The following ARB2A variants were observed in gnomAD, a reference collection of about 807,000 sequenced individuals.
ARB2A encodes cotranscriptional regulator ARB2A.
At chr5:93,834,954 A>T in the ARB2A span, among the ~76,000 whole-genome samples, 7 of 152,230 alleles carry the variant, frequency 4.6e-5, no homozygotes, top group African/African-American at 1.7e-4. Flanking sequence ...TGAATTCCAC[A>T]TTAGAGTGCA....
the ARB2A span, among the ~76,000 whole-genome samples, chr5:93,985,049 TTC>T: frequency 6.6e-6 from 1 of 152,190 alleles, no homozygotes; most frequent in African/African-American, 2.4e-5. Context: ...CTTTTAATGT[TTC>T]TCTGAGCCAA....
At chr5:93,797,889 T>C in the ARB2A span, among the ~76,000 whole-genome samples, 13 of 152,134 alleles carry the variant, frequency 8.5e-5, no homozygotes. Context: ...ATAGCTTCTA[T>C]ATTGTTCTTT....
the ARB2A span, among the ~76,000 whole-genome samples, chr5:93,627,438 G>GTTTTT: frequency 9.4e-3 from 1,017 of 107,860 alleles, 57 homozygotes; most frequent in African/African-American, 0.039. Context: ...TACAAAATGT[G>GTTTTT]TTTTGTTTTT....
At chr5:94,068,149 C>T in the ARB2A span, among the ~76,000 whole-genome samples, 6 of 152,152 alleles carry the variant, frequency 3.9e-5, no homozygotes, top group African/African-American at 1.2e-4. Flanking sequence ...GGGTTCCTGG[C>T]CTCACGGATT....
the ARB2A span, among the ~76,000 whole-genome samples, chr5:93,820,921 TTTC>T: frequency 2.0e-5 from 3 of 152,118 alleles, no homozygotes; most frequent in Admixed American, 6.6e-5. Flanking sequence ...TAATATCATG[TTTC>T]TTCTTATTAT....
the ARB2A span, among the ~76,000 whole-genome samples, chr5:93,966,305 A>T: frequency 6.6e-6 from 1 of 152,102 alleles, no homozygotes; most frequent in East Asian, 1.9e-4. Context: ...CACCATGCCA[A>T]ATACTTGAGA....
the ARB2A span, chr5:93,741,343 C>T: frequency 5.0e-6 from 8 of 1,611,452 alleles, no homozygotes; most frequent in African/African-American, 5.3e-5. Context: ...TGCTATCCAG[C>T]CCCGGAATTC....
the ARB2A span, among the ~76,000 whole-genome samples, chr5:93,676,392 A>C: frequency 6.6e-6 from 1 of 152,202 alleles, no homozygotes; most frequent in Non-Finnish European, 1.5e-5. Context: ...TATATTAGGG[A>C]TTTTAAAGCA....
chr5:93,704,595 A>C, the ARB2A span, among the ~76,000 whole-genome samples: 1 of 151,760 alleles, frequency 6.6e-6, no homozygotes, highest in Non-Finnish European at 1.5e-5. Flanking sequence ...CAAACAGAAA[A>C]CCCCAAACAA....
At chr5:93,846,215 G>C in the ARB2A span, among the ~76,000 whole-genome samples, 1 of 152,038 alleles carries the variant, frequency 6.6e-6, no homozygotes, top group Non-Finnish European at 1.5e-5. Flanking sequence ...TATCTAAAGG[G>C]AGGCTGGGCC....
the ARB2A span, among the ~76,000 whole-genome samples, chr5:93,696,112 C>A: frequency 6.6e-6 from 1 of 152,044 alleles, no homozygotes; most frequent in South Asian, 2.1e-4. Context: ...TGCAGCAAAC[C>A]ACCGTGGCAC....
chr5:93,792,479 G>T, the ARB2A span, among the ~76,000 whole-genome samples: 1 of 151,978 alleles, frequency 6.6e-6, no homozygotes, highest in East Asian at 1.9e-4. Context: ...TGACCTCTGG[G>T]TAGAACTCAT....
chr5:94,028,909 A>G, the ARB2A span, among the ~76,000 whole-genome samples: 1 of 151,870 alleles, frequency 6.6e-6, no homozygotes, highest in Non-Finnish European at 1.5e-5. Context: ...TTCTTTCCCA[A>G]TTGCCCCTAA....
the ARB2A span, among the ~76,000 whole-genome samples, chr5:93,827,318 G>T: frequency 6.6e-5 from 10 of 152,268 alleles, no homozygotes; most frequent in Admixed American, 5.9e-4. Context: ...TCTCATTGAG[G>T]TTTTGATCTG....
the ARB2A span, among the ~76,000 whole-genome samples, chr5:93,926,386 G>T: frequency 3.9e-5 from 6 of 152,050 alleles, no homozygotes; most frequent in African/African-American, 1.5e-4. Flanking sequence ...GCCCGCCTCG[G>T]CCTCCCAAAG....
At chr5:93,931,391 G>C in the ARB2A span, among the ~76,000 whole-genome samples, 2 of 152,152 alleles carry the variant, frequency 1.3e-5, no homozygotes, top group African/African-American at 4.8e-5. Flanking sequence ...TTGAACCCAG[G>C]AGGCGGAGAT....
At chr5:94,088,420 C>T in the ARB2A span, among the ~76,000 whole-genome samples, 11 of 152,128 alleles carry the variant, frequency 7.2e-5, no homozygotes, top group Non-Finnish European at 1.2e-4. Flanking sequence ...GTGGCTGACA[C>T]CTATAACCCC....
At chr5:93,936,269 CT>C in the ARB2A span, among the ~76,000 whole-genome samples, 1 of 152,084 alleles carries the variant, frequency 6.6e-6, no homozygotes, top group Non-Finnish European at 1.5e-5. Context: ...GGTATATCCT[CT>C]CTTAAGAAAA....
chr5:93,850,352 G>C, the ARB2A span, among the ~76,000 whole-genome samples: 1 of 152,162 alleles, frequency 6.6e-6, no homozygotes, highest in Non-Finnish European at 1.5e-5. Context: ...GATACAACCA[G>C]AGCTTCCAGA....
Sources: gnomAD v4.1 joint callset for allele counts (sites outside exome capture counted in the v4.1 genomes callset) on GRCh38, gnomAD v4.1.1 for gene constraint, MANE v1.5 for transcripts, NCBI Gene and HGNC (gene_info 2026-07-23, HGNC 2026-07-21) for gene names.